The following PKIA variants were observed in gnomAD, a reference collection of about 807,000 sequenced individuals.
PKIA encodes cAMP-dependent protein kinase inhibitor alpha.
A neutral mutation model predicts 7.6 loss-of-function variants in PKIA; 4 were observed. The observed-to-expected ratio is 0.52, with a 90% confidence interval of 0.26 to 1.20. PKIA has a LOEUF of 1.20. PKIA is among the 50% of genes most tolerant of loss of function. PKIA has a pLI of 0.13. For missense variants in PKIA, 73 were observed against 86.2 expected, an observed-to-expected ratio of 0.85 and a Z score of 0.61; for synonymous variants, 21 against 30.7, an observed-to-expected ratio of 0.68 and a Z score of 1.04.
At position 78,604,376 on chromosome 8, in the gene PKIA, G is replaced by A. The variant is rs1808425073; in HGVS notation, c.*2555G>A. 1 of 151,900 alleles carries A rather than the reference G, an allele frequency of 6.6e-6. No homozygotes were observed. The highest frequency in any genetic ancestry group is 6.6e-5 in the Admixed American group (1 of 15,194). 9.4% of individuals were successfully genotyped at this position (151,900 alleles called of 1,614,324 possible). On this transcript the variant is annotated 3_prime_UTR_variant, in exon 4 of 4. Transcript: ENST00000396418. The stretch of plus-strand genomic sequence containing the variant: ...CTAGTAAGTGATGAACTGAGGATTT[G>A]AACCCATGTTTGTCACCAAGGAGCT...
intron 1 of PKIA, among the ~76,000 whole-genome samples, chr8:78,571,245 A>G (rs970884295): frequency 3.3e-5 from 5 of 151,842 alleles, no homozygotes; most frequent in Admixed American, 6.6e-5. Context: ...GGACATTGTT[A>G]TCAATGCATT....
At chr8:78,581,448 AG>A (rs1160558966) in intron 2 of PKIA, among the ~76,000 whole-genome samples, 1 of 152,226 alleles carries the variant, frequency 6.6e-6, no homozygotes, top group African/African-American at 2.4e-5. Context: ...ATAACTTTAC[AG>A]TGGAGAAGAC....
intron 1 of PKIA, among the ~76,000 whole-genome samples, chr8:78,571,126 A>G (rs1324646320): frequency 6.6e-6 from 1 of 151,740 alleles, no homozygotes; most frequent in African/African-American, 2.4e-5. Flanking sequence ...TGAGTGGTCA[A>G]CTTGAAATCT....
At chr8:78,520,999 G>A (rs1031705867) in intron 1 of PKIA, among the ~76,000 whole-genome samples, 1 of 152,204 alleles carries the variant, frequency 6.6e-6, no homozygotes, top group East Asian at 1.9e-4. Flanking sequence ...TAGGAAGCAA[G>A]TGCTAGTGAA....
chr8:78,584,043 A>G (rs1045012104), intron 2 of PKIA, among the ~76,000 whole-genome samples: 2 of 152,134 alleles, frequency 1.3e-5, no homozygotes, highest in Non-Finnish European at 2.9e-5. Flanking sequence ...TTAAAAATAT[A>G]TGTAAAACAG....
chr8:78,523,915 T>TATTTATATATATATAAATATATATAAAC (rs1809466021), intron 1 of PKIA, among the ~76,000 whole-genome samples: 1 of 131,522 alleles, frequency 7.6e-6, no homozygotes, highest in Non-Finnish European at 1.6e-5. Flanking sequence ...TATACATATA[T>TATTTATATATATATAAATATATATAAAC]ATTTATATAT....
chr8:78,535,061 T>C lies in PKIA; in HGVS notation c.-157+18593T>C, dbSNP rs150528383. The C allele has an allele frequency of 4.3e-3, 654 of 152,264 alleles. 2 individuals are homozygous for C. Among genetic ancestry groups the C allele is most frequent in the African/African-American group, 0.015 (629 of 41,560 alleles). 9.4% of individuals were successfully genotyped at this position (152,264 alleles called of 1,614,324 possible). A position where few individuals can be genotyped will look rare whatever the true frequency, so the allele number is the denominator to read the frequency against. On this transcript the variant is annotated intron_variant, in intron 1 of 3. Coordinates refer to ENST00000396418, the MANE Select transcript of PKIA (RefSeq NM_006823.4). ...AAAAAATTAGTGAGCTACCTTTTGATTGCTTGTCAAGCATTTTGACATGTT... is the reference window on the plus strand; with the variant it reads ...AAAAAATTAGTGAGCTACCTTTTGACTGCTTGTCAAGCATTTTGACATGTT...
chr8:78,557,903 A>C (rs1197990464), intron 1 of PKIA, among the ~76,000 whole-genome samples: 3 of 152,144 alleles, frequency 2.0e-5, no homozygotes, highest in African/African-American at 7.2e-5. Flanking sequence ...TGTTTGTACC[A>C]ACTATTTGGT....
chr8:78,598,595 G>A (rs1808282448), intron 3 of PKIA, 60 bp downstream of exon 3: 2 of 1,381,402 alleles, frequency 1.4e-6, no homozygotes, highest in African/African-American at 2.9e-5. Flanking sequence ...ATTTTACTAA[G>A]AGGGATTAAG....
intron 1 of PKIA, among the ~76,000 whole-genome samples, chr8:78,547,783 C>G (rs1806870642): frequency 6.6e-6 from 1 of 152,082 alleles, no homozygotes; most frequent in Non-Finnish European, 1.5e-5. Flanking sequence ...TCTCCACCTT[C>G]AAAAATTAGG....
At chr8:78,582,403 G>T (rs1290248791) in intron 2 of PKIA, among the ~76,000 whole-genome samples, 3 of 151,948 alleles carry the variant, frequency 2.0e-5, no homozygotes, top group African/African-American at 7.3e-5. Context: ...CAGGGGAAAT[G>T]CCAGACACTT....
rs73687538 is a variant in PKIA, at chr8:78,586,235, A to G, written c.-27-12123A>G. Among the ~76,000 whole-genome samples, 484 of 152,298 alleles carry G rather than the reference A, an allele frequency of 3.2e-3. 3 individuals carry two copies. Among genetic ancestry groups the G allele is most frequent in the African/African-American group, 0.011 (468 of 41,542 alleles). On this transcript the variant is annotated intron_variant, in intron 2 of 3. Transcript: ENST00000396418. Reference sequence around the variant, plus strand: ...GAAGCTCCACACTACATTTTATCAAATATATTAAAATGTATCCAAATCACA... The same window carrying G: ...GAAGCTCCACACTACATTTTATCAAGTATATTAAAATGTATCCAAATCACA...
At chr8:78,577,257 C>T (rs1032462045) in intron 2 of PKIA, among the ~76,000 whole-genome samples, 15 of 151,870 alleles carry the variant, frequency 9.9e-5, no homozygotes, top group African/African-American at 3.4e-4. Flanking sequence ...ACTCCCCTAA[C>T]CATATGTTCT....
chr8:78,533,611 C>T (rs778408759), intron 1 of PKIA, among the ~76,000 whole-genome samples: 3 of 152,054 alleles, frequency 2.0e-5, no homozygotes, highest in Non-Finnish European at 2.9e-5. Flanking sequence ...AATCCCAGCA[C>T]TTTAGAAGAC....
intron 2 of PKIA, among the ~76,000 whole-genome samples, chr8:78,581,838 T>C (rs1025485643): frequency 6.6e-6 from 1 of 152,086 alleles, no homozygotes; most frequent in African/African-American, 2.4e-5. Flanking sequence ...AGTACTATAG[T>C]AATGTATCAG....
intron 1 of PKIA, among the ~76,000 whole-genome samples, chr8:78,524,409 C>T (rs1029912464): frequency 6.6e-6 from 1 of 151,350 alleles, no homozygotes; most frequent in Non-Finnish European, 1.5e-5. Context: ...TCTCACGTGG[C>T]TCTCAAGGAA....
At chr8:78,537,945 G>T (rs1181800264) in intron 1 of PKIA, among the ~76,000 whole-genome samples, 1 of 151,980 alleles carries the variant, frequency 6.6e-6, no homozygotes, top group Non-Finnish European at 1.5e-5. Flanking sequence ...GAACCTTCTT[G>T]TCTTTCACAC....
At chr8:78,534,389 C>G (rs1175012582) in intron 1 of PKIA, 3 of 152,118 alleles carry the variant, frequency 2.0e-5, no homozygotes, top group African/African-American at 7.2e-5. Context: ...ATCTCAACAT[C>G]TGCAATGCCA....
rs1490363937 is a variant in PKIA at position 78,522,777 on chromosome 8, C to A, written c.-157+6309C>A. 2.0e-5 allele frequency among the ~76,000 whole-genome samples: 3 copies of A among 151,846 alleles called. No homozygotes were observed. The East Asian group carries it at 5.8e-4, about 29-fold the overall frequency. On this transcript the variant is annotated intron_variant, in intron 1 of 3. Coordinates refer to ENST00000396418, the MANE Select transcript of PKIA (RefSeq NM_006823.4). ...TAGGGTTTTTGTTTGTTTGTTTGCA[C>A]CAGCAATAGGTTATTTGCATCAAAC...
Sources: gnomAD v4.1 joint callset for allele counts (sites outside exome capture counted in the v4.1 genomes callset) on GRCh38, gnomAD v4.1.1 for gene constraint, MANE v1.5 for transcripts, NCBI Gene and HGNC (gene_info 2026-07-23, HGNC 2026-07-21) for gene names.